Variants in IL1RAPL1 observed in about 807,000 individuals in gnomAD.
IL1RAPL1 encodes interleukin 1 receptor accessory protein like 1.
A neutral mutation model predicts 48.4 loss-of-function variants in IL1RAPL1; 3 were observed. That is an observed-to-expected ratio of 0.06 (90% CI 0.03 to 0.16). The LOEUF is 0.16. Among genes scored for constraint, IL1RAPL1 ranks in the 10% least tolerant of loss-of-function variants. IL1RAPL1 has a pLI of 1.00. For synonymous variants in IL1RAPL1, 185 were observed against 187.7 expected (o/e 0.99, Z 0.12); for missense variants, 349 against 530.6 (o/e 0.66, Z 3.36).
intron 2 of IL1RAPL1, among the ~76,000 whole-genome samples, chrX:29,020,695 C>CTATG (rs1438612975): frequency 9.0e-6 from 1 of 111,458 alleles, no homozygotes; most frequent in Non-Finnish European, 1.9e-5. Context: ...TGGGTATGAA[C>CTATG]TATGCTCTTA....
At chrX:29,844,761 T>C (rs1303107731) in intron 6 of IL1RAPL1, among the ~76,000 whole-genome samples, 4 of 112,153 alleles carry the variant, frequency 3.6e-5, no homozygotes, top group Admixed American at 9.5e-5. Flanking sequence ...GATTTTGATA[T>C]CCACAGCGAG....
At chrX:28,867,262 A>G (rs374121426) in intron 2 of IL1RAPL1, among the ~76,000 whole-genome samples, 13 of 111,958 alleles carry the variant, frequency 1.2e-4, no homozygotes, top group African/African-American at 3.9e-4. Context: ...CAGGTAATCT[A>G]GAGGAATAGA....
At chrX:29,577,331 A>G (rs1922809963) in intron 5 of IL1RAPL1, among the ~76,000 whole-genome samples, 3 of 111,700 alleles carry the variant, frequency 2.7e-5, no homozygotes, top group African/African-American at 9.8e-5. Flanking sequence ...GTAAAAAGCA[A>G]TATTTAGCAA....
intron 3 of IL1RAPL1, among the ~76,000 whole-genome samples, chrX:29,337,741 C>T (rs1933016205): frequency 9.0e-6 from 1 of 111,325 alleles, no homozygotes; most frequent in Admixed American, 9.6e-5. Context: ...GTGGCTTGAT[C>T]TTGGCTCACT....
intron 2 of IL1RAPL1, among the ~76,000 whole-genome samples, chrX:29,157,802 A>T (rs1314327052): frequency 9.0e-6 from 1 of 111,722 alleles, no homozygotes; most frequent in Non-Finnish European, 1.9e-5. Flanking sequence ...GCACATGAAG[A>T]TTTTAGCTCA....
At chrX:29,773,258 T>A (rs1929110160) in intron 6 of IL1RAPL1, among the ~76,000 whole-genome samples, 1 of 112,101 alleles carries the variant, frequency 8.9e-6, no homozygotes, top group Non-Finnish European at 1.9e-5. Flanking sequence ...TGCTTCGACC[T>A]TGTTCTCACC....
intron 6 of IL1RAPL1, among the ~76,000 whole-genome samples, chrX:29,810,042 T>C (rs901138299): frequency 9.0e-6 from 1 of 111,328 alleles, no homozygotes; most frequent in African/African-American, 3.3e-5. Flanking sequence ...AGAATTTGGT[T>C]GTTAGTTTTA....
At chrX:29,794,496 T>C (rs761397739) in intron 6 of IL1RAPL1, among the ~76,000 whole-genome samples, 8 of 107,411 alleles carry the variant, frequency 7.4e-5, no homozygotes, top group African/African-American at 2.3e-4. Context: ...CCAGGTGGTA[T>C]GCTAAAATTA....
At chrX:28,863,351 G>T (rs1921995446) in intron 2 of IL1RAPL1, among the ~76,000 whole-genome samples, 1 of 108,880 alleles carries the variant, frequency 9.2e-6, no homozygotes, top group South Asian at 3.9e-4. Context: ...AAAAAAATGA[G>T]TGTGGTTGTG....
chrX:28,809,402 A>T (rs1315060413), intron 2 of IL1RAPL1, among the ~76,000 whole-genome samples: 1 of 110,482 alleles, frequency 9.1e-6, no homozygotes, highest in Non-Finnish European at 1.9e-5. Flanking sequence ...TCAGATAGGG[A>T]GGTCTCTTTG....
chrX:29,449,774 C>CAGAGAGAG (rs769103688), intron 5 of IL1RAPL1, among the ~76,000 whole-genome samples: 11 of 41,036 alleles, frequency 2.7e-4, no homozygotes, highest in African/African-American at 2.2e-3. Context: ...CACACACACA[C>CAGAGAGAG]ACACACAGAG....
At chrX:28,989,914 T>C (rs1412881057) in intron 2 of IL1RAPL1, among the ~76,000 whole-genome samples, 2 of 111,990 alleles carry the variant, frequency 1.8e-5, no homozygotes, top group African/African-American at 6.5e-5. Flanking sequence ...TAGGTAGTTA[T>C]GTTAAATAGT....
chrX:28,919,414 C>T (rs967819644), intron 2 of IL1RAPL1, among the ~76,000 whole-genome samples: 2 of 111,867 alleles, frequency 1.8e-5, no homozygotes, highest in Non-Finnish European at 3.8e-5. Flanking sequence ...ATCATCTCCT[C>T]AAAAAGATGC....
intron 1 of IL1RAPL1, among the ~76,000 whole-genome samples, chrX:28,678,761 T>C (rs954777212): frequency 6.2e-5 from 7 of 112,159 alleles, no homozygotes; most frequent in Non-Finnish European, 1.3e-4. Context: ...AATTTATTAA[T>C]AGTTCTGTCT....
At chrX:29,395,705 C>A (rs767372101) in intron 3 of IL1RAPL1, among the ~76,000 whole-genome samples, 1 of 111,454 alleles carries the variant, frequency 9.0e-6, no homozygotes, top group African/African-American at 3.3e-5. Flanking sequence ...ATACTTTTAT[C>A]CAAGAATGTG....
chrX:29,301,121 T>G lies in IL1RAPL1; in HGVS notation c.362+17904T>G, dbSNP rs180938549. On this transcript the variant is annotated intron_variant, in intron 3 of 10. Coordinates refer to ENST00000378993, the MANE Select transcript of IL1RAPL1 (RefSeq NM_014271.4). ...TGACAGTTTTTGTAATTGCCGTAAT[T>G]TCCTCATCAGCAAGAGTTGTTTGTG... is the stretch of plus-strand genomic sequence containing the variant. 3.6e-5 allele frequency among the ~76,000 whole-genome samples: 4 copies of G among 111,967 alleles called. No homozygotes were observed. The Admixed American group carries it at 3.8e-4, about 11-fold the overall frequency.
At chrX:29,409,111 A>C (rs989517705) in intron 5 of IL1RAPL1, among the ~76,000 whole-genome samples, 2 of 111,835 alleles carry the variant, frequency 1.8e-5, no homozygotes, top group Non-Finnish European at 3.8e-5. Context: ...GTTTTTGTTA[A>C]ATTACTTCAT....
Position 29,040,394 on chromosome X carries a change from T to G in IL1RAPL1, c.83-242544T>G, listed in dbSNP as rs938439286. 2.7e-5 allele frequency among the ~76,000 whole-genome samples: 3 copies of G among 112,031 alleles called. No individual in the cohort carries two copies. In the Admixed American group the frequency reaches 2.8e-4, roughly 11 times the overall value. ...AACATTAAACTGCACAAGGATCATC[T>G]GGGGATAGAGTGTTATTAAAAGTAG... On this transcript the variant is annotated intron_variant, in intron 2 of 10. Coordinates refer to ENST00000378993, the MANE Select transcript of IL1RAPL1 (RefSeq NM_014271.4).
chrX:29,733,500 C>T (rs1027584559), intron 6 of IL1RAPL1, among the ~76,000 whole-genome samples: 13 of 112,125 alleles, frequency 1.2e-4, no homozygotes, highest in African/African-American at 4.2e-4. Flanking sequence ...TTGTGACCTT[C>T]AGAACTTTAT....
Sources: allele counts gnomAD v4.1 joint callset (sites outside exome capture counted in the v4.1 genomes callset), GRCh38; gene constraint gnomAD v4.1.1; transcripts MANE v1.5; gene names NCBI Gene and HGNC (gene_info 2026-07-23, HGNC 2026-07-21).